Variants in PPP2R5E observed in about 807,000 individuals in gnomAD.
The protein encoded by PPP2R5E is serine/threonine-protein phosphatase 2A 56 kDa regulatory subunit epsilon isoform.
Under a neutral mutation model 65.3 loss-of-function variants are expected in PPP2R5E, and 4 were observed. That is an observed-to-expected ratio of 0.06 (90% CI 0.03 to 0.14). The LOEUF is 0.14. PPP2R5E is among the 10% of genes least tolerant of loss of function. The pLI is 1.00. For missense variants in PPP2R5E, 274 were observed against 556.1 expected (o/e 0.49, Z 5.10); for synonymous variants, 183 against 187.4 (o/e 0.98, Z 0.19).
chr14:63,452,985 G>C (rs1594891231), intron 3 of PPP2R5E: 1 of 152,156 alleles, frequency 6.6e-6, no homozygotes, highest in African/African-American at 2.4e-5. Context: ...GCACTCTCCA[G>C]CTCCAAGATC....
intron 2 of PPP2R5E, among the ~76,000 whole-genome samples, chr14:63,486,327 C>CACACACACACACACAT (rs1204641238): frequency 4.6e-4 from 69 of 149,084 alleles, no homozygotes; most frequent in African/African-American, 1.7e-3. Context: ...CACACACACA[C>CACACACACACACACAT]ATCCTTTAAA....
intron 2 of PPP2R5E, among the ~76,000 whole-genome samples, chr14:63,495,967 A>G (rs143157654): frequency 6.6e-6 from 1 of 152,292 alleles, no homozygotes; most frequent in East Asian, 1.9e-4. Flanking sequence ...CTGGGATTAC[A>G]GGCGTGAGCC....
chr14:63,384,292 T>G (rs1372032705), intron 12 of PPP2R5E, 152 bp downstream of exon 12: 1 of 880,402 alleles, frequency 1.1e-6, no homozygotes, highest in Non-Finnish European at 1.8e-6. Flanking sequence ...ATCTGTTTAT[T>G]TTCTCCAGTC....
rs1345320648 is a variant in PPP2R5E, at chr14:63,391,403, T to G, written c.954+414A>C. On this transcript the variant is annotated intron_variant, in intron 10 of 13. Coordinates refer to ENST00000337537, the MANE Select transcript of PPP2R5E (RefSeq NM_006246.5). ...TTAAATGAGATGATGCAGTTTTGCT[T>G]TGTTTTGTTTTGTTTTGTTTTGTTT... Among the ~76,000 whole-genome samples the G allele has an allele frequency of 2.7e-5, 4 of 148,898 alleles. No homozygotes were observed. The East Asian group carries it at 7.9e-4, about 29-fold the overall frequency.
intron 2 of PPP2R5E, among the ~76,000 whole-genome samples, chr14:63,463,187 C>A (rs943925884): frequency 6.6e-6 from 1 of 150,832 alleles, no homozygotes; most frequent in Non-Finnish European, 1.5e-5. Flanking sequence ...GTCACCCAGG[C>A]TGGAGGCAAT....
chr14:63,424,750 CAAA>C (rs1171991957), intron 3 of PPP2R5E, among the ~76,000 whole-genome samples: 1 of 85,612 alleles, frequency 1.2e-5, no homozygotes, highest in Non-Finnish European at 2.4e-5. Context: ...GGCTCCATCT[CAAA>C]AAAAAAAAAA....
intron 11 of PPP2R5E, 64 bp downstream of exon 11, chr14:63,389,548 G>T: frequency 6.6e-7 from 1 of 1,506,668 alleles, no homozygotes; most frequent in South Asian, 1.3e-5. Context: ...CATTGCTTTT[G>T]AAACAAATAA....
At chr14:63,393,711 C>CAAA in intron 8 of PPP2R5E, 109 bp downstream of exon 8, 3 of 706,356 alleles carry the variant, frequency 4.2e-6, no homozygotes, top group Admixed American at 2.8e-5. Flanking sequence ...GACTCCGTCT[C>CAAA]AAAAAACAAA....
intron 3 of PPP2R5E, among the ~76,000 whole-genome samples, chr14:63,429,608 A>G (rs1043283791): frequency 1.3e-5 from 2 of 152,206 alleles, no homozygotes; most frequent in African/African-American, 2.4e-5. Flanking sequence ...ATCATTTACA[A>G]CCAGGAGGGG....
intron 3 of PPP2R5E, among the ~76,000 whole-genome samples, chr14:63,425,349 A>G (rs1196361317): frequency 6.6e-6 from 1 of 152,256 alleles, no homozygotes; most frequent in Admixed American, 6.5e-5. Context: ...AATGTAATTG[A>G]CAGGGCAAAG....
intron 3 of PPP2R5E, among the ~76,000 whole-genome samples, chr14:63,442,480 T>C (rs764980648): frequency 3.2e-4 from 48 of 151,756 alleles, no homozygotes; most frequent in Non-Finnish European, 6.9e-4. Context: ...CTGGCCAGGA[T>C]GTATACAGTA....
intron 5 of PPP2R5E, among the ~76,000 whole-genome samples, chr14:63,407,626 C>A (rs1886164506): frequency 6.6e-6 from 1 of 152,072 alleles, no homozygotes; most frequent in South Asian, 2.1e-4. Flanking sequence ...CCCCTTCCAG[C>A]CAATTAACAA....
At position 63,385,257 on chromosome 14, in the gene PPP2R5E, C is replaced by T. The variant is rs187790688; in HGVS notation, c.1075-686G>A. On this transcript the variant is annotated intron_variant, in intron 11 of 13. Coordinates refer to ENST00000337537, the MANE Select transcript of PPP2R5E (RefSeq NM_006246.5). ...GGGAGGACTGCTTGAGCCTGGGAGG[C>T]GGAGGTTGCAGTGAGTGGAGATCAT... 5.1e-3 allele frequency among the ~76,000 whole-genome samples: 775 copies of T among 152,036 alleles called. 7 individuals carry two copies. Among genetic ancestry groups the T allele is most frequent in the African/African-American group, 0.017 (715 of 41,476 alleles).
At chr14:63,428,799 CA>C (rs1348221039) in intron 3 of PPP2R5E, among the ~76,000 whole-genome samples, 1 of 152,064 alleles carries the variant, frequency 6.6e-6, no homozygotes, top group Non-Finnish European at 1.5e-5. Flanking sequence ...CTTGCAAGAG[CA>C]AAATACAACT....
chr14:63,464,342 G>A (rs1039046368), intron 2 of PPP2R5E, among the ~76,000 whole-genome samples: 7 of 152,196 alleles, frequency 4.6e-5, no homozygotes, highest in Non-Finnish European at 1.0e-4. Flanking sequence ...AGGGTACAAT[G>A]TTAAACAGAG....
At chr14:63,440,802 A>T (rs1888193679) in intron 3 of PPP2R5E, among the ~76,000 whole-genome samples, 1 of 151,176 alleles carries the variant, frequency 6.6e-6, no homozygotes, top group African/African-American at 2.4e-5. Context: ...AAAAAAAATT[A>T]GCTGGGCGTG....
intron 2 of PPP2R5E, among the ~76,000 whole-genome samples, chr14:63,531,133 G>T (rs534859210): frequency 1.3e-5 from 2 of 152,114 alleles, no homozygotes; most frequent in Non-Finnish European, 2.9e-5. Context: ...GCGCCATTGC[G>T]CTCCAGCCTG....
chr14:63,434,488 A>G (rs4147457), intron 3 of PPP2R5E, among the ~76,000 whole-genome samples: 2,723 of 152,320 alleles, frequency 0.018, 65 homozygotes, highest in East Asian at 0.11. Context: ...AAAGAAAAAT[A>G]AAGGTCAGCA....
At chr14:63,471,013 GACA>G (rs955453824) in intron 2 of PPP2R5E, among the ~76,000 whole-genome samples, 2 of 152,244 alleles carry the variant, frequency 1.3e-5, no homozygotes, top group African/African-American at 2.4e-5. Context: ...GCATGCAGAT[GACA>G]ACATTTCTTT....
Sources: allele counts gnomAD v4.1 joint callset (sites outside exome capture counted in the v4.1 genomes callset), GRCh38; gene constraint gnomAD v4.1.1; transcripts MANE v1.5; gene names NCBI Gene and HGNC (gene_info 2026-07-23, HGNC 2026-07-21).